The following KSR2 variants were observed in gnomAD, a reference collection of about 807,000 sequenced individuals.
KSR2 encodes the protein kinase suppressor of ras 2.
In KSR2, 25 loss-of-function variants were observed where a neutral mutation model predicts 107.8. That is an observed-to-expected ratio of 0.23 (90% CI 0.17 to 0.32). KSR2 has a LOEUF of 0.32. KSR2 is among the 10% of genes least tolerant of loss of function. The pLI is 1.00. For missense variants in KSR2, 887 were observed against 1,268.9 expected (o/e 0.70, Z 4.57); for synonymous variants, 480 against 507.0 (o/e 0.95, Z 0.71).
At position 117,968,631 on chromosome 12, in the gene KSR2, G is replaced by T; in HGVS notation, c.-376C>A. The T allele has an allele frequency of 3.5e-6, 1 of 284,350 alleles. No individual in the cohort carries two copies. Among genetic ancestry groups the T allele is most frequent in the South Asian group, 1.3e-4 (1 of 7,488 alleles). The allele number at this position is 284,350 out of a possible 1,614,324, so 17.6% of individuals were successfully genotyped here. A position where few individuals can be genotyped will look rare whatever the true frequency, so the allele number is the denominator to read the frequency against. On this transcript the variant is annotated 5_prime_UTR_variant, in exon 1 of 20. Transcript: ENST00000339824. ...AGGAGAAGGAGGAGAGAGAGGAGGA[G>T]GGAGAGGAGGAGGAGGGAGAGGAGG...
chr12:117,656,981 G>GATATATATATATATAT (rs59605571), intron 5 of KSR2, among the ~76,000 whole-genome samples: 15 of 98,198 alleles, frequency 1.5e-4, no homozygotes, highest in African/African-American at 4.3e-4. Flanking sequence ...TATATAATAG[G>GATATATATATATATAT]ATATATATAT....
In KSR2 at chr12:117,667,596, T is replaced by C. The variant is rs1331237653; in HGVS notation, c.1049A>G (p.Asn350Ser). 5 of 1,613,230 alleles carry C rather than the reference T, an allele frequency of 3.1e-6. No homozygotes were observed. Among genetic ancestry groups the C allele is most frequent in the East Asian group, 2.2e-5 (1 of 44,870 alleles). The change falls in exon 5 of 20, where the codon AAC (asparagine) becomes AGC (serine). Residue 350 changes from asparagine (N) to serine (S), a missense_variant. By Grantham distance (46) the Asn-to-Ser change is conservative (BLOSUM62 1). This residue lies in a region of KSR2 where 399 missense variants were observed against 479.5 expected (regional missense o/e 0.83). Transcript: ENST00000339824. The stretch of plus-strand genomic sequence containing the variant: ...CGGGGAGCGCTGCTGAGAGGGGATG[T>C]TCTCGCAGCTGCCTACGCTGCTGTG... ...KIHSSVGSCE[N>S]IPSQQRSPLL...
At chr12:117,754,801 A>AAAAAAT (rs1888731020) in intron 4 of KSR2, among the ~76,000 whole-genome samples, 1 of 152,196 alleles carries the variant, frequency 6.6e-6, no homozygotes, top group African/African-American at 2.4e-5. Context: ...ACTCCATCTC[A>AAAAAAT]AAAAATAAAA....
intron 1 of KSR2, among the ~76,000 whole-genome samples, chr12:117,911,802 C>A (rs990482482): frequency 2.7e-5 from 4 of 145,592 alleles, no homozygotes; most frequent in African/African-American, 1.0e-4. Context: ...AACTCTCAAT[C>A]GCTACAGGCA....
chr12:117,594,848 G>T (rs10850850), intron 5 of KSR2, among the ~76,000 whole-genome samples: 1 of 152,044 alleles, frequency 6.6e-6, no homozygotes, highest in African/African-American at 2.4e-5. Context: ...CACAACTTGA[G>T]GGGGAGGAGT....
intron 4 of KSR2, among the ~76,000 whole-genome samples, chr12:117,744,374 T>C (rs994146763): frequency 2.0e-5 from 3 of 152,184 alleles, no homozygotes; most frequent in African/African-American, 4.8e-5. Context: ...CATGCGTCCA[T>C]GTGTTCTGGG....
chr12:117,690,318 C>T (rs1192365206), intron 4 of KSR2, among the ~76,000 whole-genome samples: 1 of 152,162 alleles, frequency 6.6e-6, no homozygotes, highest in East Asian at 1.9e-4. Context: ...AATCTCAGTA[C>T]TTTGGGAGGC....
At chr12:117,886,236 ATATG>A (rs1894174763) in intron 1 of KSR2, among the ~76,000 whole-genome samples, 1 of 149,566 alleles carries the variant, frequency 6.7e-6, no homozygotes, top group Admixed American at 6.8e-5. Flanking sequence ...ATGTAAATGT[ATATG>A]TATTATATAT....
Position 117,968,951 on chromosome 12 carries a change from G to A in KSR2, c.-696C>T. ...TCCGGGGGTGACGGTTGCTGCAATCGCTCCTGCCTCGCTCCACACCGACAT... is the reference window on the plus strand; with the variant it reads ...TCCGGGGGTGACGGTTGCTGCAATCACTCCTGCCTCGCTCCACACCGACAT... On this transcript the variant is annotated 5_prime_UTR_variant, in exon 1 of 20. Transcript: ENST00000339824. The A allele has an allele frequency of 1.0e-5, 2 of 200,962 alleles. No homozygotes were observed. The highest frequency in any genetic ancestry group is 1.8e-4 in the East Asian group (1 of 5,714). The allele number at this position is 200,962 out of a possible 1,614,324, so 12.4% of individuals were successfully genotyped here.
At chr12:117,894,707 C>T (rs1223730263) in intron 1 of KSR2, among the ~76,000 whole-genome samples, 2 of 114,264 alleles carry the variant, frequency 1.8e-5, no homozygotes, top group Non-Finnish European at 3.5e-5. Context: ...CTCCCCATCT[C>T]CCTCTCCCCC....
intron 3 of KSR2, among the ~76,000 whole-genome samples, chr12:117,770,691 G>A (rs1018046216): frequency 2.6e-5 from 4 of 151,716 alleles, no homozygotes; most frequent in Non-Finnish European, 5.9e-5. Flanking sequence ...GTTATCGGTC[G>A]GGCGCGGTGA....
chr12:117,806,294 A>G (rs1016005253), intron 3 of KSR2, among the ~76,000 whole-genome samples: 1 of 152,162 alleles, frequency 6.6e-6, no homozygotes, highest in Non-Finnish European at 1.5e-5. Context: ...GCTTTTTAAA[A>G]TCCTGGTACC....
chr12:117,871,592 T>C (rs1893654384), intron 1 of KSR2, among the ~76,000 whole-genome samples: 1 of 145,966 alleles, frequency 6.9e-6, no homozygotes, highest in South Asian at 2.2e-4. Flanking sequence ...TGAGACCCTG[T>C]CTCAAAAAAA....
At chr12:117,602,698 TGC>T (rs1280228508) in intron 5 of KSR2, among the ~76,000 whole-genome samples, 1 of 152,232 alleles carries the variant, frequency 6.6e-6, no homozygotes, top group Non-Finnish European at 1.5e-5. Context: ...ATTATGAATA[TGC>T]TCCTATGAAT....
rs1884749623 is a variant in KSR2, at chr12:117,668,249, T to C, written c.987-591A>G. The stretch of plus-strand genomic sequence containing the variant: ...TTCGGTAGGATCACAGTGCCTCTTC[T>C]GGAAATGCTTCCTCTTGCTGAGGAC... On this transcript the variant is annotated intron_variant, in intron 4 of 19. Coordinates refer to ENST00000339824, the MANE Select transcript of KSR2 (RefSeq NM_173598.6). Among the ~76,000 whole-genome samples the C allele has an allele frequency of 2.0e-5, 3 of 152,356 alleles. No individual in the cohort carries two copies. In the South Asian group the frequency reaches 6.2e-4, roughly 32 times the overall value.
At chr12:117,610,162 T>C (rs1470721242) in intron 5 of KSR2, among the ~76,000 whole-genome samples, 1 of 152,162 alleles carries the variant, frequency 6.6e-6, no homozygotes, top group Non-Finnish European at 1.5e-5. Flanking sequence ...TTTTGGATTT[T>C]AGGGAGTATA....
intron 4 of KSR2, among the ~76,000 whole-genome samples, chr12:117,672,707 C>T (rs578018530): frequency 1.3e-5 from 2 of 152,204 alleles, no homozygotes; most frequent in South Asian, 2.1e-4. Context: ...CCACCACAAC[C>T]TCTGCCTCCA....
intron 1 of KSR2, among the ~76,000 whole-genome samples, chr12:117,884,792 A>G (rs1326705424): frequency 6.6e-6 from 1 of 152,018 alleles, no homozygotes; most frequent in African/African-American, 2.4e-5. Context: ...CCTCTGTAAA[A>G]CCCACTTTGG....
intron 4 of KSR2, among the ~76,000 whole-genome samples, chr12:117,726,628 A>G (rs7953977): frequency 0.072 from 10,942 of 152,244 alleles, 1,316 homozygotes; most frequent in African/African-American, 0.25. Flanking sequence ...AATGTTGTCT[A>G]GGGGACAAAA....
Sources: allele counts gnomAD v4.1 joint callset (sites outside exome capture counted in the v4.1 genomes callset), GRCh38; gene constraint gnomAD v4.1.1; regional missense constraint gnomAD v4.1.1; transcripts MANE v1.5; gene names NCBI Gene and HGNC (gene_info 2026-07-23, HGNC 2026-07-21).